Variants in PCDH9 observed in about 807,000 individuals in gnomAD.
The protein encoded by PCDH9 is protocadherin-9.
In PCDH9, 24 loss-of-function variants were observed where a neutral mutation model predicts 70.6. The observed-to-expected ratio is 0.34, with a 90% CI of 0.25 to 0.48. The LOEUF is 0.48. Ranked by LOEUF, PCDH9 falls within the 20% of genes least tolerant of loss-of-function variation. The pLI, the probability that PCDH9 is intolerant of heterozygous loss-of-function variation, is 0.99. For missense variants in PCDH9, 1,281 were observed against 1,503.6 expected (o/e 0.85, Z 2.45); for synonymous variants, 562 against 558.5 (o/e 1.01, Z -0.09).
chr13:66,708,285 G>A (rs1204905645), intron 3 of PCDH9, among the ~76,000 whole-genome samples: 1 of 151,888 alleles, frequency 6.6e-6, no homozygotes, highest in African/African-American at 2.4e-5. Context: ...TCCTGATCTC[G>A]TGATCCGCCC....
chr13:67,223,169 C>T (rs1006098633), intron 2 of PCDH9: 2 of 152,056 alleles, frequency 1.3e-5, no homozygotes, highest in African/African-American at 2.4e-5. Context: ...CACTTTAGTT[C>T]CAGTTAGAGA....
chr13:66,938,358 C>T (rs1023828216), intron 2 of PCDH9, among the ~76,000 whole-genome samples: 2 of 152,150 alleles, frequency 1.3e-5, no homozygotes, highest in African/African-American at 4.8e-5. Flanking sequence ...AAAAGAGCCA[C>T]AGAATTAGAC....
At chr13:66,471,070 T>C (rs1339047050) in intron 4 of PCDH9, among the ~76,000 whole-genome samples, 1 of 151,870 alleles carries the variant, frequency 6.6e-6, no homozygotes, top group East Asian at 1.9e-4. Flanking sequence ...GGGAAATGAT[T>C]CCTTATCGTG....
In PCDH9 at chr13:66,465,211, C is replaced by G. The variant is rs1958495940; in HGVS notation, c.3341-160183G>C. 2.0e-5 allele frequency among the ~76,000 whole-genome samples: 3 copies of G among 151,900 alleles called. No homozygotes were observed. In the South Asian group the frequency reaches 6.2e-4, roughly 31 times the overall value. On this transcript the variant is annotated intron_variant, in intron 4 of 4. Coordinates refer to ENST00000377865, the MANE Select transcript of PCDH9 (RefSeq NM_203487.3). ...AAATCAAAAGTATTAGGATCATAACCTTGAATGATCTTAATAAAACCTTTA... is the reference window on the plus strand; with the variant it reads ...AAATCAAAAGTATTAGGATCATAACGTTGAATGATCTTAATAAAACCTTTA...
At chr13:66,315,556 A>G (rs2138073682) in intron 4 of PCDH9, among the ~76,000 whole-genome samples, 1 of 152,048 alleles carries the variant, frequency 6.6e-6, no homozygotes, top group Admixed American at 6.5e-5. Context: ...ATCTCGGCTC[A>G]CTGCAAGCTC....
chr13:66,325,166 A>G (rs1478479362), intron 4 of PCDH9, among the ~76,000 whole-genome samples: 1 of 151,994 alleles, frequency 6.6e-6, no homozygotes, highest in Non-Finnish European at 1.5e-5. Context: ...TACAAACTTG[A>G]TGTGTATTTT....
At chr13:66,752,854 T>C (rs987368531) in intron 3 of PCDH9, among the ~76,000 whole-genome samples, 1 of 152,152 alleles carries the variant, frequency 6.6e-6, no homozygotes, top group Non-Finnish European at 1.5e-5. Context: ...CCTTTCAACA[T>C]GAGAGTAAAC....
intron 3 of PCDH9, among the ~76,000 whole-genome samples, chr13:66,665,837 T>C (rs2078089407): frequency 6.6e-6 from 1 of 152,064 alleles, no homozygotes; most frequent in African/African-American, 2.4e-5. Context: ...ACTTAAGGTT[T>C]TGAGAGATAC....
chr13:67,220,768 A>G (rs1439441940), intron 2 of PCDH9: 1 of 152,138 alleles, frequency 6.6e-6, no homozygotes, highest in Non-Finnish European at 1.5e-5. Flanking sequence ...TCAAGAATCA[A>G]CAGACATGTC....
chr13:67,216,573 GA>G (rs2089606838), intron 2 of PCDH9: 1 of 150,050 alleles, frequency 6.7e-6, no homozygotes, highest in Non-Finnish European at 1.5e-5. Context: ...AATAGCAAAG[GA>G]AAATATATTA....
chr13:66,780,280 T>A (rs1489131941), intron 3 of PCDH9, among the ~76,000 whole-genome samples: 1 of 152,178 alleles, frequency 6.6e-6, no homozygotes, highest in Non-Finnish European at 1.5e-5. Flanking sequence ...GCAAATCTAT[T>A]TTTTGCCTAA....
At chr13:66,755,749 C>T (rs183379022) in intron 3 of PCDH9, among the ~76,000 whole-genome samples, 6 of 152,134 alleles carry the variant, frequency 3.9e-5, no homozygotes, top group African/African-American at 1.4e-4. Flanking sequence ...ATAGTATAAG[C>T]TCTGGATTTG....
intron 3 of PCDH9, among the ~76,000 whole-genome samples, chr13:66,844,283 C>A (rs563385012): frequency 6.6e-6 from 1 of 152,122 alleles, no homozygotes; most frequent in East Asian, 1.9e-4. Context: ...ACACTACAAA[C>A]GGCATGAAAG....
At position 66,709,450 on chromosome 13, in the gene PCDH9, A is replaced by C. The variant is rs111941443; in HGVS notation, c.3139-78039T>G. Among the ~76,000 whole-genome samples the C allele has an allele frequency of 7.9e-4, 121 of 152,290 alleles. 1 individual carries two copies. Among genetic ancestry groups the C allele is most frequent in the African/African-American group, 2.8e-3 (117 of 41,570 alleles). On this transcript the variant is annotated intron_variant, in intron 3 of 4. Transcript: ENST00000377865. Reference sequence around the variant, plus strand: ...TCTAGGAAAAGCAATGTGGTACACTATGCAATCATGTTGTCCCAATTTCTA... The same window carrying C: ...TCTAGGAAAAGCAATGTGGTACACTCTGCAATCATGTTGTCCCAATTTCTA...
chr13:66,392,825 T>C (rs1190741916), intron 4 of PCDH9, among the ~76,000 whole-genome samples: 2 of 151,540 alleles, frequency 1.3e-5, no homozygotes, highest in Non-Finnish European at 2.9e-5. Context: ...TCCCTATCTC[T>C]GCAAGCAGCA....
chr13:66,574,895 G>A (rs1262617493), intron 4 of PCDH9, among the ~76,000 whole-genome samples: 6 of 152,090 alleles, frequency 3.9e-5, no homozygotes, highest in African/African-American at 1.2e-4. Context: ...TTTTTGGGCC[G>A]GGCGCAGTGG....
chr13:67,176,976 CTT>C (rs1158978488), intron 2 of PCDH9, among the ~76,000 whole-genome samples: 1 of 151,994 alleles, frequency 6.6e-6, no homozygotes, highest in African/African-American at 2.4e-5. Flanking sequence ...TGTGATCTCT[CTT>C]AGTCATAATT....
chr13:67,154,011 G>A (rs2087732732), intron 2 of PCDH9, among the ~76,000 whole-genome samples: 4 of 152,146 alleles, frequency 2.6e-5, no homozygotes, highest in South Asian at 4.2e-4. Context: ...CTAACTTAAG[G>A]AGAATTGGTG....
chr13:67,062,591 T>C (rs2085560053), intron 2 of PCDH9, among the ~76,000 whole-genome samples: 1 of 152,220 alleles, frequency 6.6e-6, no homozygotes, highest in Non-Finnish European at 1.5e-5. Context: ...TCAGGAACTA[T>C]GAACAATTGT....
Sources: allele counts gnomAD v4.1 joint callset (sites outside exome capture counted in the v4.1 genomes callset), GRCh38; gene constraint gnomAD v4.1.1; transcripts MANE v1.5; gene names NCBI Gene and HGNC (gene_info 2026-07-23, HGNC 2026-07-21).